CWH43: variants seen among roughly 807,000 people sequenced by gnomAD.
The protein encoded by CWH43 is PGAP2-interacting protein.
Under a neutral mutation model 85.7 loss-of-function variants are expected in CWH43, and 91 were observed. The observed-to-expected ratio is 1.06, with a 90% CI of 0.90 to 1.26. The LOEUF (loss-of-function observed/expected upper bound fraction) is 1.26. Among genes scored for constraint, CWH43 ranks in the 50% most tolerant of loss-of-function variants. The pLI is 0.00. For synonymous variants in CWH43, 323 were observed against 293.6 expected (o/e 1.10, Z -1.02); for missense variants, 869 against 839.2 (o/e 1.04, Z -0.44).
chr4:49,023,903 C>T (rs1478296880), intron 9 of CWH43, among the ~76,000 whole-genome samples: 2 of 152,124 alleles, frequency 1.3e-5, no homozygotes, highest in African/African-American at 2.4e-5. Context: ...TCTTTGTTGA[C>T]TTTCTATCTT....
chr4:49,044,584 G>A (rs996431930), intron 13 of CWH43, among the ~76,000 whole-genome samples: 4 of 152,174 alleles, frequency 2.6e-5, no homozygotes, highest in Non-Finnish European at 5.9e-5. Flanking sequence ...TGGTACAGAA[G>A]CTAGATAGGC....
intron 13 of CWH43, among the ~76,000 whole-genome samples, chr4:49,044,215 C>T (rs1784552035): frequency 6.6e-6 from 1 of 152,146 alleles, no homozygotes; most frequent in Non-Finnish European, 1.5e-5. Context: ...GTCCCAAGCC[C>T]TCAACATCAA....
At chr4:49,061,499 AGCATTTCAGGCTTAATG>A (rs1169144704) in intron 15 of CWH43, among the ~76,000 whole-genome samples, 3 of 152,242 alleles carry the variant, frequency 2.0e-5, no homozygotes, top group Admixed American at 2.0e-4. Flanking sequence ...TAACATGAAT[AGCATTTCAGGCTTAATG>A]GCCCCTTTGC....
intron 14 of CWH43, among the ~76,000 whole-genome samples, chr4:49,046,776 AGTATGGCAG>A (rs1383284114): frequency 6.6e-6 from 1 of 152,040 alleles, no homozygotes; most frequent in Non-Finnish European, 1.5e-5. Context: ...AAGTGATGTG[AGTATGGCAG>A]GTGGTGGTAG....
intron 6 of CWH43, among the ~76,000 whole-genome samples, chr4:48,999,187 G>A (rs1348640835): frequency 6.6e-6 from 1 of 152,258 alleles, no homozygotes. Flanking sequence ...TTGGTTTTCT[G>A]TTCCTGCATT....
At chr4:49,006,284 T>C (rs1783154686) in intron 7 of CWH43, among the ~76,000 whole-genome samples, 1 of 152,166 alleles carries the variant, frequency 6.6e-6, no homozygotes, top group Non-Finnish European at 1.5e-5. Context: ...TCTCACTACT[T>C]ATGGAATTGT....
At chr4:49,027,113 G>A (rs1476985761) in intron 9 of CWH43, among the ~76,000 whole-genome samples, 1 of 152,242 alleles carries the variant, frequency 6.6e-6, no homozygotes, top group East Asian at 1.9e-4. Context: ...ATTATAAGGG[G>A]ATGAGAACGG....
chr4:49,013,596 A>T (rs1783438520), intron 8 of CWH43, among the ~76,000 whole-genome samples: 1 of 151,900 alleles, frequency 6.6e-6, no homozygotes, highest in Non-Finnish European at 1.5e-5. Context: ...GAGCTGCAGA[A>T]CAGAGCTGTT....
intron 12 of CWH43, among the ~76,000 whole-genome samples, chr4:49,033,863 G>A (rs141758796): frequency 1.3e-5 from 2 of 152,318 alleles, no homozygotes; most frequent in African/African-American, 4.8e-5. Context: ...TTAATGACAT[G>A]AGGCCACAGA....
chr4:49,029,897 G>A (rs1228105285), intron 10 of CWH43, among the ~76,000 whole-genome samples: 2 of 152,206 alleles, frequency 1.3e-5, no homozygotes, highest in South Asian at 2.1e-4. Context: ...TCCCCTTGCT[G>A]AGATAGTGAA....
At chr4:49,053,157 T>C (rs567800142) in intron 15 of CWH43, among the ~76,000 whole-genome samples, 1 of 152,316 alleles carries the variant, frequency 6.6e-6, no homozygotes, top group African/African-American at 2.4e-5. Flanking sequence ...CATATGTATG[T>C]TTGTGTATAG....
rs766661541 is a variant in CWH43 at position 48,998,527 on chromosome 4, G to C, written c.781G>C (p.Gly261Arg). ...LPSCLWFRGT[G>R]LIWWVTGTAS... ...ATCTTGTTTGTGGTTTCGTGGTACT[G>C]GTTTGATCTGGTGGGTTACAGGTAT... The change falls in exon 6 of 16, where the codon GGT becomes CGT. Residue 261 changes from glycine (G) to arginine (R), a missense_variant. Transcript: ENST00000226432. 5.6e-6 allele frequency: 9 copies of C among 1,613,618 alleles called. No homozygotes were observed. The highest frequency in any genetic ancestry group is 6.8e-6 in the Non-Finnish European group (8 of 1,179,658).
intron 8 of CWH43, among the ~76,000 whole-genome samples, chr4:49,013,411 G>T (rs1783432793): frequency 6.6e-6 from 1 of 152,228 alleles, no homozygotes; most frequent in Admixed American, 6.5e-5. Context: ...GCTTGCCTTG[G>T]CTAGGAAAGG....
At chr4:49,055,966 CAGGTTAGTTACAT>C (rs1784943438) in intron 15 of CWH43, among the ~76,000 whole-genome samples, 1 of 146,404 alleles carries the variant, frequency 6.8e-6, no homozygotes, top group African/African-American at 2.5e-5. Context: ...GCACATTGTG[CAGGTTAGTTACAT>C]ATGTATACAT....
chr4:49,003,772 A>G lies in CWH43; in HGVS notation c.840A>G (p.Thr280=). Residue 280 remains threonine (T), a synonymous_variant, in exon 7 of 16, where the codon ACA becomes ACG. Transcript: ENST00000226432. ...CTGCGGGGCTCCTTTACCTGCACAC[A>G]TGGGCAGCTGCTGTGTCTGGCTGTG... ...ASAAGLLYLH[T]WAAAVSGCVF... is the part of the protein sequence containing the mutation. The G allele has an allele frequency of 6.2e-7, 1 of 1,613,966 alleles. No individual in the cohort carries two copies. Among genetic ancestry groups the G allele is most frequent in the East Asian group, 2.2e-5 (1 of 44,876 alleles).
intron 12 of CWH43, among the ~76,000 whole-genome samples, chr4:49,034,933 G>A (rs1390961390): frequency 1.3e-5 from 2 of 152,228 alleles, no homozygotes; most frequent in East Asian, 3.9e-4. Context: ...GGTATATTGG[G>A]CAGCTTAAAA....
In CWH43 at chr4:49,028,630, C is replaced by CTCT. The variant is rs768544003; in HGVS notation, c.1268_1269insTCT (p.Ala423_Pro424insLeu). ...ACTACCATTAAAACAATTCCTCAGG[C>CTCT]ACCAACCAAAGAGGTCTCTGCTGCC... On this transcript the variant is annotated inframe_insertion and splice_region_variant, in exon 10 of 16. Coordinates refer to ENST00000226432, the MANE Select transcript of CWH43 (RefSeq NM_025087.3). The CTCT allele has an allele frequency of 4.3e-6, 7 of 1,611,072 alleles. No individual in the cohort carries two copies. Among genetic ancestry groups the CTCT allele is most frequent in the Non-Finnish European group, 5.9e-6 (7 of 1,178,060 alleles).
At chr4:49,047,512 T>C (rs1465114051) in intron 14 of CWH43, among the ~76,000 whole-genome samples, 2 of 151,974 alleles carry the variant, frequency 1.3e-5, no homozygotes, top group African/African-American at 4.8e-5. Context: ...GCTGGGTAGG[T>C]CTTACTAAGA....
chr4:49,046,069 GTTTA>G (rs879835457), intron 14 of CWH43, among the ~76,000 whole-genome samples: 4 of 151,630 alleles, frequency 2.6e-5, no homozygotes, highest in African/African-American at 9.7e-5. Flanking sequence ...TTTTTTATTT[GTTTA>G]TTTATTTATT....
Sources: gnomAD v4.1 joint callset for allele counts (sites outside exome capture counted in the v4.1 genomes callset) on GRCh38, gnomAD v4.1.1 for gene constraint, MANE v1.5 for transcripts, NCBI Gene and HGNC (gene_info 2026-07-23, HGNC 2026-07-21) for gene names.